ZFYVE9: variants seen among roughly 807,000 people sequenced by gnomAD.
ZFYVE9 encodes the protein zinc finger FYVE domain-containing protein 9.
In ZFYVE9, 43 loss-of-function variants were observed where a neutral mutation model predicts 126.7. The observed-to-expected ratio is 0.34, with a 90% confidence interval of 0.27 to 0.44. The LOEUF is 0.44. Among genes scored for constraint, ZFYVE9 ranks in the 20% least tolerant of loss-of-function variants. The probability of loss-of-function intolerance (pLI) is 1.00; values close to 1 mark genes in which losing one functional copy is unlikely to be tolerated. For missense variants in ZFYVE9, 1,476 were observed against 1,697.0 expected (o/e 0.87, Z 2.29); for synonymous variants, 521 against 597.4 (o/e 0.87, Z 1.87).
rs193260874 is a variant in ZFYVE9, at chr1:52,159,613, T to C, written c.-143+17210T>C. 5.9e-5 allele frequency among the ~76,000 whole-genome samples: 9 copies of C among 152,114 alleles called. No homozygotes were observed. The East Asian group carries it at 1.7e-3, about 29-fold the overall frequency. On this transcript the variant is annotated intron_variant, in intron 1 of 18. Transcript: ENST00000287727. ...ATTGGGTGGGGCTGCCCAGGAAGAGTGTGACTTCAGCTTGAAAGCTGGGCA... is the reference window on the plus strand; with the variant it reads ...ATTGGGTGGGGCTGCCCAGGAAGAGCGTGACTTCAGCTTGAAAGCTGGGCA...
chr1:52,211,801 A>G (rs1206984415), intron 1 of ZFYVE9, among the ~76,000 whole-genome samples: 1 of 152,230 alleles, frequency 6.6e-6, no homozygotes, highest in Admixed American at 6.5e-5. Flanking sequence ...ACATATCATC[A>G]TTTTATTTTC....
intron 2 of ZFYVE9, among the ~76,000 whole-genome samples, chr1:52,225,471 T>C (rs940697915): frequency 4.6e-5 from 7 of 152,228 alleles, no homozygotes; most frequent in African/African-American, 1.4e-4. Flanking sequence ...TTATGCCTGT[T>C]ACAAATACAA....
intron 13 of ZFYVE9, among the ~76,000 whole-genome samples, chr1:52,306,101 G>C (rs1055628332): frequency 2.0e-5 from 3 of 152,176 alleles, no homozygotes; most frequent in Non-Finnish European, 4.4e-5. Context: ...GGGCCTGAAG[G>C]CTGGGGGGCC....
At chr1:52,230,134 C>T (rs898637137) in intron 2 of ZFYVE9, among the ~76,000 whole-genome samples, 3 of 152,104 alleles carry the variant, frequency 2.0e-5, no homozygotes, top group Admixed American at 2.0e-4. Flanking sequence ...TCCCAAAGTG[C>T]TGGGATTACA....
At chr1:52,150,292 A>C (rs1475231149) in intron 1 of ZFYVE9, 3 of 152,294 alleles carry the variant, frequency 2.0e-5, no homozygotes, top group African/African-American at 7.2e-5. Context: ...CAGGTTGCCT[A>C]AGGAGGGGTG....
intron 13 of ZFYVE9, among the ~76,000 whole-genome samples, chr1:52,311,091 C>T (rs1048760488): frequency 4.6e-5 from 7 of 152,120 alleles, no homozygotes; most frequent in African/African-American, 1.7e-4. Context: ...GTCTTGAACT[C>T]TTGAGCTCAA....
At chr1:52,288,484 C>G (rs1416070283) in intron 10 of ZFYVE9, among the ~76,000 whole-genome samples, 1 of 152,126 alleles carries the variant, frequency 6.6e-6, no homozygotes, top group Non-Finnish European at 1.5e-5. Context: ...CTTTCATGAT[C>G]AATGTCAGAG....
chr1:52,309,592 A>G (rs1320254903), intron 13 of ZFYVE9, among the ~76,000 whole-genome samples: 2 of 152,206 alleles, frequency 1.3e-5, no homozygotes, highest in African/African-American at 2.4e-5. Flanking sequence ...AATGGGAGAC[A>G]ACAAAGTGCC....
chr1:52,219,803 GGCAGAGTCTTAC>G (rs1645107226), intron 2 of ZFYVE9, among the ~76,000 whole-genome samples: 6 of 137,186 alleles, frequency 4.4e-5, no homozygotes, highest in East Asian at 2.2e-4. Context: ...GTGTGTGTGT[GGCAGAGTCTTAC>G]TCTGTCGCCC....
At chr1:52,156,265 C>A (rs1182072272) in intron 1 of ZFYVE9, among the ~76,000 whole-genome samples, 2 of 152,200 alleles carry the variant, frequency 1.3e-5, no homozygotes, top group East Asian at 3.8e-4. Flanking sequence ...TCTGCTACAA[C>A]AAACATACTA....
intron 1 of ZFYVE9, among the ~76,000 whole-genome samples, chr1:52,186,336 C>T (rs755855164): frequency 3.3e-5 from 5 of 152,028 alleles, no homozygotes; most frequent in East Asian, 1.9e-4. Context: ...TAATAAGAGC[C>T]GTCTATGACC....
At chr1:52,196,524 C>G (rs919991321) in intron 1 of ZFYVE9, among the ~76,000 whole-genome samples, 2 of 152,066 alleles carry the variant, frequency 1.3e-5, no homozygotes, top group Non-Finnish European at 2.9e-5. Context: ...GTAGTCCCAG[C>G]TACTCGGGAG....
At chr1:52,269,503 G>T (rs576714475) in intron 7 of ZFYVE9, among the ~76,000 whole-genome samples, 1 of 152,078 alleles carries the variant, frequency 6.6e-6, no homozygotes, top group South Asian at 2.1e-4. Context: ...TTAATGATAA[G>T]TAATATTTTT....
At chr1:52,336,080 G>T (rs1166080908) in intron 15 of ZFYVE9, among the ~76,000 whole-genome samples, 1 of 151,950 alleles carries the variant, frequency 6.6e-6, no homozygotes, top group Non-Finnish European at 1.5e-5. Context: ...GTTGCAGTGA[G>T]CTGAGATTGT....
Position 52,216,381 on chromosome 1 carries a change from C to T in ZFYVE9, c.-130C>T. On this transcript the variant is annotated 5_prime_UTR_variant, in exon 2 of 19. Transcript: ENST00000287727. ...GTTTTTCCTTTAGGATCAAACAGAG[C>T]ATACTGAATCAGCAGGACTGGCTGG... The T allele has an allele frequency of 2.5e-6, 1 of 398,338 alleles. No homozygotes were observed. 24.7% of individuals were successfully genotyped at this position (398,338 alleles called of 1,614,324 possible). A position where few individuals can be genotyped will look rare whatever the true frequency, so the allele number is the denominator to read the frequency against.
In ZFYVE9 at chr1:52,173,901, T is replaced by G. The variant is rs555368021; in HGVS notation, c.-143+31498T>G. Among the ~76,000 whole-genome samples the G allele has an allele frequency of 3.9e-5, 6 of 152,306 alleles. No individual in the cohort carries two copies. The South Asian group carries it at 1.0e-3, about 26-fold the overall frequency. ...ATTTGATTCTTCCCTCTTTTTTTCT[T>G]TGTTAGTCTTGCTAGCGGTCTATCA... On this transcript the variant is annotated intron_variant, in intron 1 of 18. Transcript: ENST00000287727.
At chr1:52,245,576 A>G (rs1361460775) in intron 4 of ZFYVE9, among the ~76,000 whole-genome samples, 1 of 152,242 alleles carries the variant, frequency 6.6e-6, no homozygotes, top group East Asian at 1.9e-4. Context: ...GCCTAGAAAG[A>G]TTAAGTAACT....
chr1:52,342,108 G>T (rs2820336), intron 17 of ZFYVE9, among the ~76,000 whole-genome samples: 140,610 of 152,156 alleles, frequency 0.92, 65,097 homozygotes, highest in East Asian at 1. Flanking sequence ...ACTCCCACTC[G>T]GTCATTTCAT....
intron 10 of ZFYVE9, among the ~76,000 whole-genome samples, chr1:52,292,464 C>T: frequency 1.4e-5 from 2 of 141,916 alleles, no homozygotes; most frequent in African/African-American, 5.3e-5. Context: ...CTAATCTGAA[C>T]ATTTCTTTTT....
Sources: allele counts gnomAD v4.1 joint callset (sites outside exome capture counted in the v4.1 genomes callset), GRCh38; gene constraint gnomAD v4.1.1; transcripts MANE v1.5; gene names NCBI Gene and HGNC (gene_info 2026-07-23, HGNC 2026-07-21).